The following ASPH variants were observed in gnomAD, a reference collection of about 807,000 sequenced individuals.
ASPH encodes the protein aspartate beta-hydroxylase.
In ASPH, 100 loss-of-function variants were observed where a neutral mutation model predicts 118.4. That is an observed-to-expected ratio of 0.84 (90% CI 0.72 to 1.00). The LOEUF is 1.00. Ranked by LOEUF, ASPH falls within the 50% of genes least tolerant of loss-of-function variation. The pLI is 0.00. For missense variants in ASPH, 920 were observed against 919.5 expected, an observed-to-expected ratio of 1.00 and a Z score of -0.01; for synonymous variants, 315 against 325.6, an observed-to-expected ratio of 0.97 and a Z score of 0.35.
chr8:61,634,724 A>G (rs1424094031), intron 12 of ASPH, among the ~76,000 whole-genome samples: 1 of 152,120 alleles, frequency 6.6e-6, no homozygotes, highest in African/African-American at 2.4e-5. Context: ...TTATTTGGAG[A>G]CATATTAACA....
chr8:61,688,504 G>A (rs1264881848), intron 1 of ASPH, among the ~76,000 whole-genome samples: 1 of 152,108 alleles, frequency 6.6e-6, no homozygotes, highest in Non-Finnish European at 1.5e-5. Flanking sequence ...ACAAGAAGAT[G>A]AACCCCAGCA....
intron 3 of ASPH, among the ~76,000 whole-genome samples, chr8:61,669,129 G>T (rs996165518): frequency 6.6e-6 from 1 of 152,242 alleles, no homozygotes; most frequent in South Asian, 2.1e-4. Flanking sequence ...AAAGAACGAA[G>T]GTCTAAGGTG....
At chr8:61,557,822 C>A (rs1232726214) in intron 18 of ASPH, among the ~76,000 whole-genome samples, 1 of 152,148 alleles carries the variant, frequency 6.6e-6, no homozygotes, top group Non-Finnish European at 1.5e-5. Context: ...CAGTACTGTT[C>A]CCAAGCTAGA....
chr8:61,502,951 ATAGTC>A lies in ASPH; in HGVS notation c.*403_*407del, dbSNP rs1805186680. 1 of 154,336 alleles carries A rather than the reference ATAGTC, an allele frequency of 6.5e-6. No homozygotes were observed. The allele number at this position is 154,336 out of a possible 1,614,324, so 9.6% of individuals were successfully genotyped here. A position where few individuals can be genotyped will look rare whatever the true frequency, so the allele number is the denominator to read the frequency against. On this transcript the variant is annotated 3_prime_UTR_variant, in exon 25 of 25. Transcript: ENST00000379454. ...AAATGTAGTGGTACATGATGACAAA[ATAGTC>A]TAGCTACACTAGAAAAATATAACTG...
intron 3 of ASPH, chr8:61,664,798 G>A (rs953109970): frequency 1.5e-5 from 15 of 987,454 alleles, no homozygotes; most frequent in African/African-American, 7.0e-5. Flanking sequence ...AGGTGTCCAC[G>A]AAAGAGAAAA....
At chr8:61,548,628 A>G (rs891252140) in intron 20 of ASPH, among the ~76,000 whole-genome samples, 2 of 152,190 alleles carry the variant, frequency 1.3e-5, no homozygotes, top group African/African-American at 4.8e-5. Context: ...CATTTACTGA[A>G]TCAGAATGCT....
chr8:61,708,732 T>C (rs1269328968), intron 1 of ASPH, among the ~76,000 whole-genome samples: 1 of 152,192 alleles, frequency 6.6e-6, no homozygotes, highest in African/African-American at 2.4e-5. Context: ...GACTGATCCT[T>C]GGGGTCTTAA....
chr8:61,534,146 C>T (rs1818622453), intron 21 of ASPH, among the ~76,000 whole-genome samples: 1 of 152,090 alleles, frequency 6.6e-6, no homozygotes, highest in Admixed American at 6.5e-5. Context: ...GGGGTTTCTC[C>T]ATGTTGGTCA....
At chr8:61,633,954 A>G (rs1208863272) in intron 12 of ASPH, among the ~76,000 whole-genome samples, 2 of 152,216 alleles carry the variant, frequency 1.3e-5, no homozygotes, top group Non-Finnish European at 2.9e-5. Flanking sequence ...CAGGTTTTAT[A>G]GTACCTGCCC....
chr8:61,669,748 C>T (rs563540987), intron 3 of ASPH, among the ~76,000 whole-genome samples: 3 of 152,156 alleles, frequency 2.0e-5, no homozygotes, highest in Non-Finnish European at 4.4e-5. Context: ...ACAGCAGAAC[C>T]AGATTTTCCT....
At chr8:61,591,973 C>T (rs994168385) in intron 14 of ASPH, among the ~76,000 whole-genome samples, 2 of 152,124 alleles carry the variant, frequency 1.3e-5, no homozygotes, top group African/African-American at 2.4e-5. Flanking sequence ...GTTAAATAAC[C>T]ATAGTAATTT....
intron 1 of ASPH, among the ~76,000 whole-genome samples, chr8:61,691,646 T>G (rs1287903060): frequency 1.3e-5 from 2 of 152,180 alleles, no homozygotes; most frequent in African/African-American, 4.8e-5. Context: ...GCAGGCAGCT[T>G]GGTATGCTTT....
intron 15 of ASPH, among the ~76,000 whole-genome samples, chr8:61,582,385 T>C (rs1837841149): frequency 6.6e-6 from 1 of 152,176 alleles, no homozygotes; most frequent in Admixed American, 6.5e-5. Context: ...ATATATGACA[T>C]TTAGTATAGA....
chr8:61,607,897 C>T (rs1313001488), intron 14 of ASPH, among the ~76,000 whole-genome samples: 1 of 152,112 alleles, frequency 6.6e-6, no homozygotes, highest in East Asian at 1.9e-4. Flanking sequence ...AGTTAAGCAG[C>T]AAAAATCTCA....
At chr8:61,561,696 G>A (rs1257588604) in intron 18 of ASPH, among the ~76,000 whole-genome samples, 1 of 152,198 alleles carries the variant, frequency 6.6e-6, no homozygotes, top group Non-Finnish European at 1.5e-5. Flanking sequence ...GCCTGAGGCA[G>A]GAGGGTCACT....
At chr8:61,578,416 T>A in intron 15 of ASPH, 2 of 1,604,526 alleles carry the variant, frequency 1.2e-6, no homozygotes, top group Non-Finnish European at 8.5e-7. Flanking sequence ...ATCACCGCAG[T>A]CATGGTCAAC....
chr8:61,622,488 C>T (rs1013783880), intron 13 of ASPH, among the ~76,000 whole-genome samples: 7 of 152,202 alleles, frequency 4.6e-5, no homozygotes, highest in Admixed American at 3.3e-4. Flanking sequence ...GAGTGCATTA[C>T]CACACTGGCA....
chr8:61,695,265 T>C (rs1234146089), intron 1 of ASPH, among the ~76,000 whole-genome samples: 1 of 152,242 alleles, frequency 6.6e-6, no homozygotes, highest in Non-Finnish European at 1.5e-5. Flanking sequence ...AATCTGATTA[T>C]AGCACTGACC....
chr8:61,542,688 GCT>G (rs1235912915), intron 21 of ASPH, among the ~76,000 whole-genome samples: 2 of 152,042 alleles, frequency 1.3e-5, no homozygotes, highest in African/African-American at 4.8e-5. Flanking sequence ...CTTTAGTGAT[GCT>G]CTTTTTTTTT....
Sources: allele counts gnomAD v4.1 joint callset (sites outside exome capture counted in the v4.1 genomes callset), GRCh38; gene constraint gnomAD v4.1.1; transcripts MANE v1.5; gene names NCBI Gene and HGNC (gene_info 2026-07-23, HGNC 2026-07-21).